Variants in PPFIA2 observed in about 807,000 individuals in gnomAD.
PPFIA2 encodes the protein PPFI scaffold protein A2, also known as liprin-alpha-2.
Under a neutral mutation model 175.5 loss-of-function variants are expected in PPFIA2, and 46 were observed. That is an observed-to-expected ratio of 0.26 (90% CI 0.21 to 0.34). The LOEUF (loss-of-function observed/expected upper bound fraction) is 0.34. Among genes scored for constraint, PPFIA2 ranks in the 10% least tolerant of loss-of-function variants. The pLI is 1.00. For missense variants in PPFIA2, 1,179 were observed against 1,506.1 expected (o/e 0.78, Z 3.60); for synonymous variants, 568 against 511.4 (o/e 1.11, Z -1.49).
intron 8 of PPFIA2, among the ~76,000 whole-genome samples, chr12:81,395,387 G>T (rs994195113): frequency 6.6e-6 from 1 of 151,930 alleles, no homozygotes; most frequent in Non-Finnish European, 1.5e-5. Flanking sequence ...ATAACTTCCC[G>T]AAGTTAATTT....
At chr12:81,500,313 C>T (rs2060460881) in intron 4 of PPFIA2, among the ~76,000 whole-genome samples, 1 of 152,166 alleles carries the variant, frequency 6.6e-6, no homozygotes, top group South Asian at 2.1e-4. Flanking sequence ...GAGCCTAGTA[C>T]TACACTACCC....
intron 4 of PPFIA2, among the ~76,000 whole-genome samples, chr12:81,562,846 CAAAAAAAAAAAAAA>C (rs11475809): frequency 6.8e-5 from 2 of 29,576 alleles, no homozygotes; most frequent in African/African-American, 1.6e-4. Flanking sequence ...GACTCTGTCT[CAAAAAAAAAAAAAA>C]AAAAAAAAAA....
At chr12:81,290,223 T>C (rs1311415196) in intron 24 of PPFIA2, among the ~76,000 whole-genome samples, 1 of 149,878 alleles carries the variant, frequency 6.7e-6, no homozygotes, top group African/African-American at 2.4e-5. Context: ...AAACAAACTG[T>C]AGTGTTCTTG....
At chr12:81,529,031 TAGA>T (rs2064113827) in intron 4 of PPFIA2, among the ~76,000 whole-genome samples, 1 of 152,012 alleles carries the variant, frequency 6.6e-6, no homozygotes, top group Non-Finnish European at 1.5e-5. Flanking sequence ...GACCCAATTT[TAGA>T]AGAAGAAATG....
intron 3 of PPFIA2, among the ~76,000 whole-genome samples, chr12:81,737,839 G>T (rs1249938775): frequency 6.6e-6 from 1 of 151,830 alleles, no homozygotes; most frequent in Non-Finnish European, 1.5e-5. Flanking sequence ...TAAGGGGATG[G>T]AAAATATAGA....
At chr12:81,299,436 A>T in intron 22 of PPFIA2, 54 bp from the exon 23 acceptor site, 1 of 1,517,534 alleles carries the variant, frequency 6.6e-7, no homozygotes, top group Non-Finnish European at 8.9e-7. Flanking sequence ...TATGGCTGTG[A>T]TTATTTTTAA....
chr12:81,362,187 C>CTTT (rs575395578), intron 15 of PPFIA2, among the ~76,000 whole-genome samples: 104 of 140,672 alleles, frequency 7.4e-4, no homozygotes, highest in African/African-American at 2.5e-3. Context: ...CTCTTTTCCT[C>CTTT]TTTTTTTTTT....
chr12:81,283,135 A>G, intron 25 of PPFIA2, 96 bp from the exon 26 acceptor site: 3 of 1,135,382 alleles, frequency 2.6e-6, no homozygotes, highest in Middle Eastern at 2.0e-4. Flanking sequence ...CAAAATTGTT[A>G]TACAAAATAT....
intron 22 of PPFIA2, among the ~76,000 whole-genome samples, chr12:81,316,103 C>T (rs972853345): frequency 1.1e-4 from 16 of 151,470 alleles, no homozygotes; most frequent in African/African-American, 3.9e-4. Flanking sequence ...CGAAAATATA[C>T]TTAATACACA....
At chr12:81,715,210 C>A (rs1170558384) in intron 3 of PPFIA2, among the ~76,000 whole-genome samples, 1 of 151,634 alleles carries the variant, frequency 6.6e-6, no homozygotes, top group Non-Finnish European at 1.5e-5. Flanking sequence ...ACATAGGATT[C>A]TAGTCCTAGG....
At chr12:81,440,460 G>C (rs1012585243) in intron 6 of PPFIA2, among the ~76,000 whole-genome samples, 2 of 152,014 alleles carry the variant, frequency 1.3e-5, no homozygotes, top group Non-Finnish European at 2.9e-5. Context: ...AATAACAAGT[G>C]AATTTTCATT....
chr12:81,646,492 G>C (rs926192036), intron 4 of PPFIA2, among the ~76,000 whole-genome samples: 1 of 152,112 alleles, frequency 6.6e-6, no homozygotes, highest in African/African-American at 2.4e-5. Context: ...AGCCACAATA[G>C]TCTATTGCTA....
At chr12:81,620,076 C>T (rs1595693835) in intron 4 of PPFIA2, among the ~76,000 whole-genome samples, 1 of 140,814 alleles carries the variant, frequency 7.1e-6, no homozygotes, top group African/African-American at 2.6e-5. Flanking sequence ...AGGAGAACGG[C>T]GTGAACCTGG....
In PPFIA2 at chr12:81,454,854, G is replaced by A. The variant is rs541077507; in HGVS notation, c.405+2911C>T. Among the ~76,000 whole-genome samples the A allele has an allele frequency of 1.9e-4, 29 of 152,048 alleles. 1 individual carries two copies. The South Asian group carries it at 3.1e-3, about 16-fold the overall frequency. ...TATTTTCTTTTATATATTTATTTAT[G>A]TATTTATTTTTTGAGATGGAGTCTC... On this transcript the variant is annotated intron_variant, in intron 5 of 32. Coordinates refer to ENST00000549396, the MANE Select transcript of PPFIA2 (RefSeq NM_003625.5).
At chr12:81,396,062 C>G (rs1322523049) in intron 8 of PPFIA2, among the ~76,000 whole-genome samples, 2 of 151,996 alleles carry the variant, frequency 1.3e-5, no homozygotes, top group Non-Finnish European at 2.9e-5. Context: ...AAAATTTTCT[C>G]CTTGGCCCCT....
rs369273111 is a variant in PPFIA2, at chr12:81,527,431, C to T, written c.304-69565G>A. Reference sequence around the variant, plus strand: ...AGTTGTCTCTTCATTGTATTGACTTCCACTTTTCTTAGTCTCTTTCAAAGC... The same window carrying T: ...AGTTGTCTCTTCATTGTATTGACTTTCACTTTTCTTAGTCTCTTTCAAAGC... On this transcript the variant is annotated intron_variant, in intron 4 of 32. Coordinates refer to ENST00000549396, the MANE Select transcript of PPFIA2 (RefSeq NM_003625.5). Among the ~76,000 whole-genome samples, 22 of 152,124 alleles carry T rather than the reference C, an allele frequency of 1.4e-4. No homozygotes were observed. The South Asian group carries it at 2.1e-3, about 14-fold the overall frequency.
intron 4 of PPFIA2, among the ~76,000 whole-genome samples, chr12:81,655,143 T>C (rs1358746752): frequency 1.3e-5 from 2 of 152,082 alleles, no homozygotes; most frequent in East Asian, 1.9e-4. Flanking sequence ...GTAGGACCTA[T>C]AGTGATATAC....
intron 11 of PPFIA2, chr12:81,369,505 C>G: frequency 9.8e-7 from 1 of 1,017,426 alleles, no homozygotes; most frequent in Non-Finnish European, 1.3e-6. Context: ...TCCTGAAGCA[C>G]TGAACTGCAC....
At chr12:81,487,825 G>A (rs2058995842) in intron 4 of PPFIA2, among the ~76,000 whole-genome samples, 1 of 151,718 alleles carries the variant, frequency 6.6e-6, no homozygotes, top group East Asian at 1.9e-4. Context: ...AAAACTATAT[G>A]GAAAGAATAA....
Sources: gnomAD v4.1 joint callset for allele counts (sites outside exome capture counted in the v4.1 genomes callset) on GRCh38, gnomAD v4.1.1 for gene constraint, MANE v1.5 for transcripts, NCBI Gene and HGNC (gene_info 2026-07-23, HGNC 2026-07-21) for gene names.